The following PIK3CB variants were observed in gnomAD, a reference collection of about 807,000 sequenced individuals.
PIK3CB encodes the protein phosphatidylinositol-4,5-bisphosphate 3-kinase catalytic subunit beta.
A neutral mutation model predicts 136.8 loss-of-function variants in PIK3CB; 39 were observed. That is an observed-to-expected ratio of 0.29 (90% confidence interval 0.22 to 0.37). The LOEUF is 0.37. PIK3CB is among the 10% of genes least tolerant of loss of function. PIK3CB has a pLI of 1.00. For synonymous variants in PIK3CB, 428 were observed against 436.6 expected (o/e 0.98, Z 0.25); for missense variants, 868 against 1,275.4 (o/e 0.68, Z 4.87).
rs1467388468 is a variant in PIK3CB at position 138,714,707 on chromosome 3, C to T, written c.1063G>A (p.Ala355Thr). 2 of 1,603,790 alleles carry T rather than the reference C, an allele frequency of 1.2e-6. No individual in the cohort carries two copies. The highest frequency in any genetic ancestry group is 1.7e-6 in the Non-Finnish European group (2 of 1,176,238). The change falls in exon 9 of 24, where the codon GCT (alanine) becomes ACT (threonine). Residue 355 changes from alanine (A) to threonine (T), a missense_variant. Around this residue, in one of 4 missense-constraint regions of PIK3CB, gnomAD observed 612 missense variants for 801.1 expected, o/e 0.76. Coordinates refer to ENST00000674063, the MANE Select transcript of PIK3CB (RefSeq NM_006219.3). ...AGCTCAGTACCATGAAAAAGACCAG[C>T]CCTGACATGAACCTGTAACGAAGCA... is the stretch of plus-strand genomic sequence containing the variant. ...TEETVKVHVR[A>T]GLFHGTELLC...
chr3:138,789,022 T>A (rs996144202), intron 2 of PIK3CB, among the ~76,000 whole-genome samples: 7 of 149,962 alleles, frequency 4.7e-5, no homozygotes, highest in African/African-American at 1.5e-4. Context: ...GTTTTTTTTT[T>A]ATAAAACCAA....
At chr3:138,737,917 A>G in intron 5 of PIK3CB, 31 bp from the exon 6 acceptor site, 1 of 1,386,140 alleles carries the variant, frequency 7.2e-7, no homozygotes, top group South Asian at 1.3e-5. Context: ...GGAAAAAAGC[A>G]GTAAATGTTA....
chr3:138,656,521 A>G (rs1424544807), intron 22 of PIK3CB, among the ~76,000 whole-genome samples: 1 of 152,242 alleles, frequency 6.6e-6, no homozygotes, highest in Admixed American at 6.5e-5. Flanking sequence ...AAATTCTATG[A>G]CGAAAGGCTA....
intron 19 of PIK3CB, among the ~76,000 whole-genome samples, chr3:138,677,525 A>T (rs564251489): frequency 1.4e-4 from 21 of 152,370 alleles, no homozygotes; most frequent in African/African-American, 4.6e-4. Context: ...AATATTAGTT[A>T]AAATATAAGT....
intron 1 of PIK3CB, chr3:138,825,567 G>A: frequency 3.1e-6 from 2 of 643,534 alleles, no homozygotes; most frequent in South Asian, 3.9e-5. Flanking sequence ...GTGATAACAT[G>A]CCTTGGTTCA....
At chr3:138,693,498 A>G (rs1423853667) in intron 14 of PIK3CB, among the ~76,000 whole-genome samples, 3 of 152,070 alleles carry the variant, frequency 2.0e-5, no homozygotes, top group African/African-American at 7.2e-5. Flanking sequence ...TCCTGGGTTC[A>G]AGTGATTCTT....
chr3:138,736,938 A>C (rs192603442), intron 6 of PIK3CB, among the ~76,000 whole-genome samples: 1 of 152,298 alleles, frequency 6.6e-6, no homozygotes, highest in Non-Finnish European at 1.5e-5. Flanking sequence ...GTTTTTATAC[A>C]ATTCAATGGA....
intron 8 of PIK3CB, among the ~76,000 whole-genome samples, chr3:138,728,234 C>G (rs542800990): frequency 1.3e-5 from 2 of 152,164 alleles, no homozygotes; most frequent in East Asian, 1.9e-4. Flanking sequence ...ATTTTCTGAA[C>G]GTAAACTTGT....
Position 138,742,626 on chromosome 3 carries a change from G to A in PIK3CB, c.553C>T (p.Pro185Ser), listed in dbSNP as rs761327361. Residue 185 changes from proline (P) to serine (S), a missense_variant, in exon 5 of 24, where the codon CCT becomes TCT. Pro to Ser is a moderately conservative substitution (Grantham distance 74). Coordinates refer to ENST00000674063, the MANE Select transcript of PIK3CB (RefSeq NM_006219.3). The stretch of plus-strand genomic sequence containing the variant: ...TAAAGTTTATCTTCTAAGTTTTCAG[G>A]GATGGATGGTTCATGCTCTGGTGGA... ...TYPPEHEPSIPENLEDKLYGG... is the reference protein window; with the variant it reads ...TYPPEHEPSISENLEDKLYGG... The A allele has an allele frequency of 6.2e-7, 1 of 1,609,604 alleles. No homozygotes were observed. Among genetic ancestry groups the A allele is most frequent in the South Asian group, 1.1e-5 (1 of 90,886 alleles).
intron 1 of PIK3CB, among the ~76,000 whole-genome samples, chr3:138,802,602 GTT>G (rs2046190335): frequency 6.6e-6 from 1 of 151,876 alleles, no homozygotes; most frequent in Admixed American, 6.6e-5. Flanking sequence ...TTAAAAAAAA[GTT>G]TTGACCTTCC....
intron 16 of PIK3CB, among the ~76,000 whole-genome samples, chr3:138,685,420 A>AAAAAGAAAG (rs2043866681): frequency 5.7e-5 from 5 of 86,984 alleles, no homozygotes; most frequent in African/African-American, 1.4e-4. Flanking sequence ...AAAAAAAAAA[A>AAAAAGAAAG]AAAGAAAGAA....
chr3:138,757,566 AG>A (rs1248339820), intron 3 of PIK3CB, among the ~76,000 whole-genome samples: 1 of 149,666 alleles, frequency 6.7e-6, no homozygotes, highest in Non-Finnish European at 1.5e-5. Context: ...AAACAAAAAA[AG>A]GAAAGAAATA....
intron 2 of PIK3CB, among the ~76,000 whole-genome samples, chr3:138,785,209 G>T (rs1269698593): frequency 1.3e-5 from 2 of 150,886 alleles, no homozygotes; most frequent in Non-Finnish European, 3.0e-5. Flanking sequence ...GCCCCCGCCC[G>T]GCCAGCCGCC....
chr3:138,699,005 T>C lies in PIK3CB; in HGVS notation c.1672A>G (p.Ile558Val), dbSNP rs938566357. 6.2e-7 allele frequency: 1 copy of C among 1,607,142 alleles called. No individual in the cohort carries two copies. The highest frequency in any genetic ancestry group is 1.3e-5 in the African/African-American group (1 of 74,830). ...SQLCENEMDL[I>V]WTLRQDCREI... The stretch of plus-strand genomic sequence containing the variant: ...CGGCAGTCTTGTCGCAAAGTCCAAA[T>C]AAGATCCATTTCATTTTCACACAGT... Residue 558 changes from isoleucine (I) to valine (V), a missense_variant, in exon 13 of 24, where the codon ATT (isoleucine) becomes GTT (valine). Physicochemically the swap from Ile to Val is conservative, Grantham distance 29. Transcript: ENST00000674063.
intron 12 of PIK3CB, among the ~76,000 whole-genome samples, chr3:138,701,501 ATG>A (rs2044251546): frequency 6.6e-6 from 1 of 152,126 alleles, no homozygotes. Context: ...AAAGGACATG[ATG>A]TGGCCGGGCG....
chr3:138,688,974 C>T lies in PIK3CB; in HGVS notation c.2037G>A (p.Arg679=), dbSNP rs1188339055. 2 of 1,598,878 alleles carry T rather than the reference C, an allele frequency of 1.3e-6. No individual in the cohort carries two copies. The highest frequency in any genetic ancestry group is 2.7e-5 in the African/African-American group (2 of 74,596). ...RIGQFLFWHL[R]SEVHIPAVSV... ...AGACAGCAGGAATGTGCACTTCTGA[C>T]CTGCAGAAAGTTAATGATATCTGAA... is the stretch of plus-strand genomic sequence containing the variant. The change falls in exon 16 of 24, where the codon AGG becomes AGA. Residue 679 remains arginine, a splice_region_variant and synonymous_variant. Transcript: ENST00000674063.
chr3:138,673,229 T>A (rs1023764865), intron 19 of PIK3CB, among the ~76,000 whole-genome samples: 15 of 151,672 alleles, frequency 9.9e-5, no homozygotes, highest in African/African-American at 9.7e-5. Flanking sequence ...AAAAAGACAA[T>A]GAGAGTGGGA....
chr3:138,772,157 TG>T (rs1247420968), intron 2 of PIK3CB, among the ~76,000 whole-genome samples: 1 of 152,018 alleles, frequency 6.6e-6, no homozygotes, highest in African/African-American at 2.4e-5. Flanking sequence ...AGAAATAACA[TG>T]AAAAAAATCC....
At chr3:138,694,760 C>T (rs777824581) in intron 14 of PIK3CB, 26 bp downstream of exon 14, 3 of 1,608,220 alleles carry the variant, frequency 1.9e-6, no homozygotes, top group Non-Finnish European at 2.5e-6. Context: ...TTCCTTGCCC[C>T]AAAGAAAACC....
Sources: allele counts gnomAD v4.1 joint callset (sites outside exome capture counted in the v4.1 genomes callset), GRCh38; gene constraint gnomAD v4.1.1; regional missense constraint gnomAD v4.1.1; transcripts MANE v1.5; gene names NCBI Gene and HGNC (gene_info 2026-07-23, HGNC 2026-07-21).